ITPRIP: variants seen among roughly 807,000 people sequenced by gnomAD.
ITPRIP encodes inositol 1,4,5-trisphosphate receptor-interacting protein.
ITPRIP carries 32 observed loss-of-function variants against 35.8 expected under a neutral mutation model. The ratio of observed to expected loss-of-function variants is 0.89; its 90% CI spans 0.68 to 1.20. The LOEUF is 1.20. Among genes scored for constraint, ITPRIP ranks in the 50% most tolerant of loss-of-function variants. The probability of loss-of-function intolerance (pLI) is 0.00; values close to 1 mark genes in which losing one functional copy is unlikely to be tolerated. For synonymous variants in ITPRIP, 358 were observed against 324.0 expected, an observed-to-expected ratio of 1.11 and a Z score of -1.13; for missense variants, 653 against 735.6, an observed-to-expected ratio of 0.89 and a Z score of 1.30.
At position 104,315,460 on chromosome 10, in the gene ITPRIP, C is replaced by T. The variant is rs899676080; in HGVS notation, c.592G>A (p.Glu198Lys). The T allele has an allele frequency of 7.4e-6, 12 of 1,612,362 alleles. No homozygotes were observed. Among genetic ancestry groups the T allele is most frequent in the African/African-American group, 6.7e-5 (5 of 74,934 alleles). The change falls in exon 2 of 2, where the codon GAG (glutamate) becomes AAG (lysine). Residue 198 changes from glutamate (E) to lysine (K), a missense_variant. Physicochemically the swap from Glu to Lys is moderately conservative, Grantham distance 56. Coordinates refer to ENST00000337478, the MANE Select transcript of ITPRIP (RefSeq NM_001272013.2). The surrounding 1 kb of genome is among the most constrained non-coding windows in gnomAD (Gnocchi z 5.7). ...EDFIGVDSMY[E>K]NWQVDRPLLC... ...AGTGGCCTGTCCACCTGCCAGTTCT[C>T]GTACATGCTGTCCACGCCAATGAAG... is the stretch of plus-strand genomic sequence containing the variant.
In ITPRIP at chr10:104,313,066, C is replaced by T; in HGVS notation, c.*1342G>A. The T allele has an allele frequency of 3.0e-6, 3 of 985,430 alleles. No individual in the cohort carries two copies. Among genetic ancestry groups the T allele is most frequent in the Non-Finnish European group, 3.6e-6 (3 of 829,976 alleles). The allele number at this position is 985,430 out of a possible 1,614,324, so 61.0% of individuals were successfully genotyped here. On this transcript the variant is annotated 3_prime_UTR_variant, in exon 2 of 2. Transcript: ENST00000337478. The stretch of plus-strand genomic sequence containing the variant: ...TTTGGGTCTGGGTCATCTGTGTGGT[C>T]AGCAGTGCCCACACAGAAGGGGTGG...
At chr10:104,335,052 G>A (rs1363484921) in intron 1 of ITPRIP, among the ~76,000 whole-genome samples, 2 of 152,198 alleles carry the variant, frequency 1.3e-5, no homozygotes. Flanking sequence ...GCCATGCCCT[G>A]GGACAGGTGA....
chr10:104,325,292 C>G (rs898733749), intron 1 of ITPRIP, among the ~76,000 whole-genome samples: 5 of 152,158 alleles, frequency 3.3e-5, no homozygotes, highest in African/African-American at 1.2e-4. Context: ...TGCAACCCCC[C>G]ATGAAGCGTT....
In ITPRIP at chr10:104,314,523, C is replaced by A. The variant is rs557384863; in HGVS notation, c.1529G>T (p.Arg510Leu). The A allele has an allele frequency of 6.2e-7, 1 of 1,614,164 alleles. No homozygotes were observed. Among genetic ancestry groups the A allele is most frequent in the South Asian group, 1.1e-5 (1 of 91,088 alleles). Reference protein sequence around the residue: ...LNLFRPFVLQRSLYRKTLDSF... With the variant: ...LNLFRPFVLQLSLYRKTLDSF... The stretch of plus-strand genomic sequence containing the variant: ...GTCCAGTGTCTTACGGTAAAGGCTT[C>A]GCTGCAGGACGAAGGGCCGGAAGAG... The change falls in exon 2 of 2, where the codon CGA becomes CTA. Residue 510 changes from arginine to leucine, a missense_variant. By Grantham distance (102) the Arg-to-Leu change is moderately radical (BLOSUM62 -2). Transcript: ENST00000337478.
At position 104,315,116 on chromosome 10, in the gene ITPRIP, C is replaced by A. The variant is rs764473381; in HGVS notation, c.936G>T (p.Trp312Cys). The change falls in exon 2 of 2, where the codon TGG (tryptophan) becomes TGT (cysteine). Residue 312 changes from tryptophan to cysteine, a missense_variant. Trp to Cys is a radical substitution (Grantham distance 215). Transcript: ENST00000337478. This position sits in a 1 kb window ranked among gnomAD's most constrained non-coding sequence, Gnocchi z 5.7. ...KWFQTALTRAWKGIAHKYEFD... is the reference protein window; with the variant it reads ...KWFQTALTRACKGIAHKYEFD... ...ACTCGTACTTGTGGGCGATGCCCTT[C>A]CAGGCTCTGGTGAGGGCCGTCTGGA... 1 of 1,614,118 alleles carries A rather than the reference C, an allele frequency of 6.2e-7. No homozygotes were observed. Among genetic ancestry groups the A allele is most frequent in the East Asian group, 2.2e-5 (1 of 44,874 alleles).
At position 104,328,971 on chromosome 10, in the gene ITPRIP, C is replaced by A; in HGVS notation, c.-14+9275G>T. ...GCTTAGGCGGTACCTGACACAAAGC[C>A]TGGGCCCCAGCTGGGCTGGGGAGAG... is the stretch of plus-strand genomic sequence containing the variant. On this transcript the variant is annotated intron_variant, in intron 1 of 1. Coordinates refer to ENST00000337478, the MANE Select transcript of ITPRIP (RefSeq NM_001272013.2). The surrounding 1 kb of genome is among the most constrained non-coding windows in gnomAD (Gnocchi z 4.1). 6.6e-6 allele frequency: 1 copy of A among 152,348 alleles called. No homozygotes were observed. Among genetic ancestry groups the A allele is most frequent in the Non-Finnish European group, 1.5e-5 (1 of 68,192 alleles). The allele number at this position is 152,348 out of a possible 1,614,324, so 9.4% of individuals were successfully genotyped here. A position where few individuals can be genotyped will look rare whatever the true frequency, so the allele number is the denominator to read the frequency against.
At chr10:104,321,560 A>C (rs1442365822) in intron 1 of ITPRIP, among the ~76,000 whole-genome samples, 5 of 152,156 alleles carry the variant, frequency 3.3e-5, no homozygotes, top group African/African-American at 1.2e-4. Context: ...GGTCCCCCAG[A>C]GCCTGCAGCA....
At position 104,314,266 on chromosome 10, in the gene ITPRIP, G is replaced by T; in HGVS notation, c.*142C>A. 6.7e-7 allele frequency: 1 copy of T among 1,492,514 alleles called. No individual in the cohort carries two copies. Among genetic ancestry groups the T allele is most frequent in the South Asian group, 1.4e-5 (1 of 72,158 alleles). The allele number at this position is 1,492,514 out of a possible 1,614,324, so 92.5% of individuals were successfully genotyped here. A position where few individuals can be genotyped will look rare whatever the true frequency, so the allele number is the denominator to read the frequency against. On this transcript the variant is annotated 3_prime_UTR_variant, in exon 2 of 2. Transcript: ENST00000337478. ...AAATTCTGTTTCCTCTGCACTGTAGGGCTTGGCTTCCTGGCAGGCTGAGCA... is the reference window on the plus strand; with the variant it reads ...AAATTCTGTTTCCTCTGCACTGTAGTGCTTGGCTTCCTGGCAGGCTGAGCA...
chr10:104,322,604 T>A (rs1366932466), intron 1 of ITPRIP, among the ~76,000 whole-genome samples: 4 of 152,200 alleles, frequency 2.6e-5, no homozygotes, highest in African/African-American at 9.7e-5. Context: ...GTCCTCTGGG[T>A]AGGAGGGTGG....
chr10:104,332,223 T>G (rs993003343), intron 1 of ITPRIP, among the ~76,000 whole-genome samples: 63 of 151,096 alleles, frequency 4.2e-4, no homozygotes, highest in African/African-American at 1.5e-3. Context: ...GAAGCCACTA[T>G]TTTTTTTTAA....
At chr10:104,337,790 G>T (rs1164212530) in intron 1 of ITPRIP, among the ~76,000 whole-genome samples, 1 of 152,166 alleles carries the variant, frequency 6.6e-6, no homozygotes. Flanking sequence ...CTCCCTTACA[G>T]GAAGGGAGGG....
rs778461193 is a variant in ITPRIP at position 104,315,531 on chromosome 10, G to A, written c.521C>T (p.Ala174Val). Residue 174 changes from alanine to valine, a missense_variant, in exon 2 of 2, where the codon GCC becomes GTC. Transcript: ENST00000337478. This position sits in a 1 kb window ranked among gnomAD's most constrained non-coding sequence, Gnocchi z 5.7. ...GTCCCGGTTGCAGAGGCTCCTCAGG[G>A]CTTCCAGCAAGTCATCCACGAAGCC... The part of the protein sequence containing the change: ...LEGFVDDLLE[A>V]LRSLCNRDTD... 2 of 1,614,222 alleles carry A rather than the reference G, an allele frequency of 1.2e-6. No homozygotes were observed. The highest frequency in any genetic ancestry group is 1.7e-6 in the Non-Finnish European group (2 of 1,180,030).
At chr10:104,327,271 C>A (rs2014041574) in intron 1 of ITPRIP, among the ~76,000 whole-genome samples, 1 of 152,122 alleles carries the variant, frequency 6.6e-6, no homozygotes, top group Non-Finnish European at 1.5e-5. Flanking sequence ...ACACTCCAAA[C>A]CCCCAGTTAG....
Position 104,312,888 on chromosome 10 carries a change from T to C in ITPRIP, c.*1520A>G. On this transcript the variant is annotated 3_prime_UTR_variant, in exon 2 of 2. Coordinates refer to ENST00000337478, the MANE Select transcript of ITPRIP (RefSeq NM_001272013.2). ...TGGAGGAACACGGTATATTCTTGAC[T>C]CCCTGGCCCCCTGCAAGGGTAACTG... is the stretch of plus-strand genomic sequence containing the variant. 1.0e-6 allele frequency: 1 copy of C among 985,298 alleles called. No individual in the cohort carries two copies. Among genetic ancestry groups the C allele is most frequent in the Non-Finnish European group, 1.2e-6 (1 of 829,904 alleles). 61.0% of individuals were successfully genotyped at this position (985,298 alleles called of 1,614,324 possible).
intron 1 of ITPRIP, among the ~76,000 whole-genome samples, chr10:104,317,865 G>A (rs953049892): frequency 1.3e-5 from 2 of 152,238 alleles, no homozygotes; most frequent in Admixed American, 6.5e-5. Flanking sequence ...GATGGACTGA[G>A]TTGGCTGCTG....
intron 1 of ITPRIP, among the ~76,000 whole-genome samples, chr10:104,319,094 G>A (rs1226195901): frequency 1.3e-5 from 2 of 152,260 alleles, no homozygotes; most frequent in Admixed American, 6.5e-5. Context: ...GGGAAGGACT[G>A]CAAGGAAAGG....
rs894049288 is a variant in ITPRIP, at chr10:104,313,695, CCTGAGTGAGAAGTGTAGGGTGCAG to C, written c.*689_*712del. ...GGAAAGGACAGCAGAAGGGGGTGCA[CCTGAGTGAGAAGTGTAGGGTGCAG>C]CTGAGTGAGAAGTGTAGCTGAAAAA... On this transcript the variant is annotated 3_prime_UTR_variant, in exon 2 of 2. Transcript: ENST00000337478. 2.4e-5 allele frequency: 24 copies of C among 985,424 alleles called. No homozygotes were observed. Among genetic ancestry groups the C allele is most frequent in the Middle Eastern group, 5.2e-4 (1 of 1,914 alleles). 61.0% of individuals were successfully genotyped at this position (985,424 alleles called of 1,614,324 possible). A position where few individuals can be genotyped will look rare whatever the true frequency, so the allele number is the denominator to read the frequency against.
intron 1 of ITPRIP, among the ~76,000 whole-genome samples, chr10:104,336,869 C>T (rs1564868599): frequency 6.6e-6 from 1 of 152,194 alleles, no homozygotes; most frequent in Admixed American, 6.5e-5. Context: ...CTTTTGTTGC[C>T]AAACAGATAG....
At chr10:104,321,421 G>A (rs571789157) in intron 1 of ITPRIP, among the ~76,000 whole-genome samples, 3 of 152,298 alleles carry the variant, frequency 2.0e-5, no homozygotes, top group African/African-American at 7.2e-5. Context: ...TGGGTGGCCC[G>A]GACAGAGGGC....
Sources: allele counts gnomAD v4.1 joint callset (sites outside exome capture counted in the v4.1 genomes callset), GRCh38; gene constraint gnomAD v4.1.1; non-coding constraint Gnocchi (gnomAD v3.1); transcripts MANE v1.5; gene names NCBI Gene and HGNC (gene_info 2026-07-23, HGNC 2026-07-21).